IFT81: variants seen among roughly 807,000 people sequenced by gnomAD.
The protein encoded by IFT81 is intraflagellar transport protein 81 homolog.
In IFT81, 72 loss-of-function variants were observed where a neutral mutation model predicts 102.6. The ratio of observed to expected loss-of-function variants is 0.70; its 90% CI spans 0.58 to 0.85. IFT81 has a LOEUF of 0.85. Among genes scored for constraint, IFT81 ranks in the 40% least tolerant of loss-of-function variants. The pLI, the probability that IFT81 is intolerant of heterozygous loss-of-function variation, is 0.00. For synonymous variants in IFT81, 237 were observed against 242.7 expected (o/e 0.98, Z 0.22); for missense variants, 723 against 787.3 (o/e 0.92, Z 0.98).
chr12:110,203,826 T>A, intron 14 of IFT81, 38 bp from the exon 15 acceptor site: 2 of 1,404,400 alleles, frequency 1.4e-6, no homozygotes, highest in South Asian at 1.2e-5. Flanking sequence ...GGGACCTTTG[T>A]TTTTCACTTA....
chr12:110,143,540 T>C lies in IFT81; in HGVS notation c.940T>C (p.Ser314Pro). 1 of 1,543,420 alleles carries C rather than the reference T, an allele frequency of 6.5e-7. No individual in the cohort carries two copies. Among genetic ancestry groups the C allele is most frequent in the South Asian group, 1.3e-5 (1 of 76,542 alleles). Residue 314 changes from serine to proline, a missense_variant, in exon 9 of 19, where the codon TCT (serine) becomes CCT (proline). By Grantham distance (74) the Ser-to-Pro change is moderately conservative (BLOSUM62 -1). Transcript: ENST00000242591. ...CCATTCTGATCTTCTTGAACTTGAA[T>C]CTAAAGTAAGTGAGAATCATCTTTT... Reference protein sequence around the residue: ...MGHSDLLELESKINEINTEIN... With the variant: ...MGHSDLLELEPKINEINTEIN...
chr12:110,138,148 A>G (rs1213430076), intron 8 of IFT81, among the ~76,000 whole-genome samples: 1 of 152,134 alleles, frequency 6.6e-6, no homozygotes, highest in Non-Finnish European at 1.5e-5. Context: ...GTAGTAATCT[A>G]TGAAATTCTA....
At chr12:110,192,405 T>C (rs768381100) in intron 13 of IFT81, among the ~76,000 whole-genome samples, 1 of 152,214 alleles carries the variant, frequency 6.6e-6, no homozygotes, top group African/African-American at 2.4e-5. Flanking sequence ...TTTACAGTCT[T>C]GAGAACTGAC....
At chr12:110,151,845 A>G (rs997231443) in intron 10 of IFT81, among the ~76,000 whole-genome samples, 9 of 151,476 alleles carry the variant, frequency 5.9e-5, no homozygotes, top group African/African-American at 1.9e-4. Flanking sequence ...CCACCATTCT[A>G]CTCTTCTGCT....
chr12:110,179,935 TCAAA>T (rs968918393), intron 11 of IFT81, among the ~76,000 whole-genome samples: 43 of 146,896 alleles, frequency 2.9e-4, no homozygotes, highest in Non-Finnish European at 5.1e-4. Flanking sequence ...AGATTTGGTC[TCAAA>T]CAAATAAATA....
At chr12:110,144,528 T>G (rs1350102737) in intron 9 of IFT81, among the ~76,000 whole-genome samples, 3 of 151,646 alleles carry the variant, frequency 2.0e-5, no homozygotes, top group Non-Finnish European at 4.4e-5. Context: ...TTTTGTTTTT[T>G]GAGACGGAGT....
intron 14 of IFT81, among the ~76,000 whole-genome samples, chr12:110,193,593 CTATTTTTAATACTA>C (rs1249419934): frequency 6.6e-6 from 1 of 152,170 alleles, no homozygotes; most frequent in Admixed American, 6.5e-5. Context: ...TCACTGTTCT[CTATTTTTAATACTA>C]TATTTTTAAC....
chr12:110,135,029 T>C lies in IFT81; in HGVS notation c.585+16T>C, dbSNP rs200823992. 8 of 1,584,152 alleles carry C rather than the reference T, an allele frequency of 5.1e-6. No homozygotes were observed. The highest frequency in any genetic ancestry group is 6.9e-6 in the Non-Finnish European group (8 of 1,163,152). Reference sequence around the variant, plus strand: ...GAAGAAAAGGGTAAGGCAGAATTAGTACTGTAAGACTTTGGCCCCAAGTCC... The same window carrying C: ...GAAGAAAAGGGTAAGGCAGAATTAGCACTGTAAGACTTTGGCCCCAAGTCC... On this transcript the variant is annotated intron_variant, in intron 6 of 18. Coordinates refer to ENST00000242591, the MANE Select transcript of IFT81 (RefSeq NM_014055.4).
intron 14 of IFT81, among the ~76,000 whole-genome samples, chr12:110,197,255 GAT>G (rs747648249): frequency 3.4e-5 from 4 of 119,058 alleles, no homozygotes; most frequent in African/African-American, 5.8e-5. Context: ...TAGGTAGATA[GAT>G]AGATAGATAG....
At chr12:110,163,135 C>G (rs934255138) in intron 11 of IFT81, 70 bp downstream of exon 11, 1 of 1,248,662 alleles carries the variant, frequency 8.0e-7, no homozygotes, top group African/African-American at 1.5e-5. Context: ...GTGTGTTTGA[C>G]TTTCTTAGTG....
At chr12:110,203,421 G>T (rs984578650) in intron 14 of IFT81, 26 of 165,310 alleles carry the variant, frequency 1.6e-4, no homozygotes, top group Non-Finnish European at 3.0e-4. Flanking sequence ...CCACCTAACT[G>T]TTCTTACTAA....
chr12:110,191,652 G>C (rs754365508), intron 13 of IFT81, among the ~76,000 whole-genome samples: 3 of 151,946 alleles, frequency 2.0e-5, no homozygotes, highest in African/African-American at 4.8e-5. Flanking sequence ...TTTCATTGTT[G>C]TGTATGTTCT....
chr12:110,203,181 G>T (rs1035573666), intron 14 of IFT81, among the ~76,000 whole-genome samples: 1 of 152,108 alleles, frequency 6.6e-6, no homozygotes, highest in Non-Finnish European at 1.5e-5. Context: ...CAGGAGAATC[G>T]CATGAACCCA....
intron 17 of IFT81, among the ~76,000 whole-genome samples, chr12:110,207,697 G>A (rs1400170979): frequency 6.6e-6 from 1 of 151,228 alleles, no homozygotes; most frequent in African/African-American, 2.4e-5. Context: ...TGAGTAGCTG[G>A]GACTACAGGT....
chr12:110,212,034 A>G (rs1472299774), intron 18 of IFT81, among the ~76,000 whole-genome samples: 2 of 152,176 alleles, frequency 1.3e-5, no homozygotes, highest in African/African-American at 4.8e-5. Context: ...AGCTACTGGT[A>G]TGACTCAATA....
chr12:110,157,468 G>A (rs921000691), intron 10 of IFT81, among the ~76,000 whole-genome samples: 2 of 152,136 alleles, frequency 1.3e-5, no homozygotes, highest in African/African-American at 4.8e-5. Context: ...AAGATCAAGT[G>A]CCAACAGTTT....
intron 11 of IFT81, among the ~76,000 whole-genome samples, chr12:110,170,077 C>T (rs1355418428): frequency 6.6e-6 from 1 of 151,926 alleles, no homozygotes; most frequent in Non-Finnish European, 1.5e-5. Flanking sequence ...CTCAGCCTCC[C>T]GAGTAGCTGG....
chr12:110,216,671 C>A, intron 18 of IFT81: 1 of 433,366 alleles, frequency 2.3e-6, no homozygotes, highest in Non-Finnish European at 4.5e-6. Flanking sequence ...CCACCATGTC[C>A]GGCTAATTTT....
intron 11 of IFT81, among the ~76,000 whole-genome samples, chr12:110,173,930 C>T (rs1178426690): frequency 3.3e-5 from 5 of 151,406 alleles, no homozygotes; most frequent in Admixed American, 2.0e-4. Context: ...TGCCAAATCC[C>T]CCTCTGTGAG....
Sources: allele counts gnomAD v4.1 joint callset (sites outside exome capture counted in the v4.1 genomes callset), GRCh38; gene constraint gnomAD v4.1.1; transcripts MANE v1.5; gene names NCBI Gene and HGNC (gene_info 2026-07-23, HGNC 2026-07-21).